Variants in STAT5B observed in about 807,000 individuals in gnomAD.
STAT5B encodes transcription factor STAT5B.
Under a neutral mutation model 107.8 loss-of-function variants are expected in STAT5B, and 21 were observed. That is an observed-to-expected ratio of 0.19 (90% CI 0.14 to 0.28). STAT5B has a LOEUF of 0.28. Ranked by LOEUF, STAT5B falls within the 10% of genes least tolerant of loss-of-function variation. STAT5B has a pLI of 1.00. For missense variants in STAT5B, 565 were observed against 1,008.2 expected (o/e 0.56, Z 5.95); for synonymous variants, 325 against 401.7 (o/e 0.81, Z 2.28).
intron 15 of STAT5B, 137 bp from the exon 16 acceptor site, chr17:42,207,865 G>T: frequency 1.2e-6 from 1 of 861,394 alleles, no homozygotes. Context: ...ATAACCATGG[G>T]TTATAGATGA....
chr17:42,202,010 C>A, intron 18 of STAT5B, 146 bp from the exon 19 acceptor site: 1 of 764,016 alleles, frequency 1.3e-6, no homozygotes, highest in South Asian at 1.7e-5. Flanking sequence ...ATTCAAACAG[C>A]TGGCTGTACA....
chr17:42,279,554 G>A (rs578138973), upstream of STAT5B, among the ~76,000 whole-genome samples: 30 of 152,282 alleles, frequency 2.0e-4, no homozygotes, highest in African/African-American at 5.5e-4. Context: ...TTAGGAGGCC[G>A]AGGCGGGTGG....
intron 1 of STAT5B, chr17:42,269,370 G>A (rs992846069): frequency 3.3e-5 from 5 of 152,102 alleles, no homozygotes; most frequent in African/African-American, 9.7e-5. Context: ...CACTGGGCCC[G>A]ACCTAGGCTC....
chr17:42,218,064 G>A (rs1453585792), intron 9 of STAT5B, 87 bp downstream of exon 9: 4 of 1,552,464 alleles, frequency 2.6e-6, no homozygotes, highest in African/African-American at 2.7e-5. Flanking sequence ...GGCAAACAGG[G>A]ATCTGACACA....
chr17:42,261,088 T>C (rs968632221), intron 1 of STAT5B, among the ~76,000 whole-genome samples: 2 of 152,068 alleles, frequency 1.3e-5, no homozygotes, highest in African/African-American at 4.8e-5. Flanking sequence ...TTTGTATTTT[T>C]AGTAGAGACA....
chr17:42,259,827 G>A (rs1249824997), intron 1 of STAT5B, among the ~76,000 whole-genome samples: 1 of 151,900 alleles, frequency 6.6e-6, no homozygotes, highest in Non-Finnish European at 1.5e-5. Flanking sequence ...ACAGAGCAGT[G>A]GCTTCAGTTC....
chr17:42,202,421 C>T lies in STAT5B; in HGVS notation c.2156G>A (p.Gly719Glu). Residue 719 changes from glycine (G) to glutamate (E), a missense_variant, in exon 18 of 19, where the codon GGG (glycine) becomes GAG (glutamate). This residue lies in a region of STAT5B where 76 missense variants were observed against 110.2 expected (regional missense o/e 0.69). Coordinates refer to ENST00000293328, the MANE Select transcript of STAT5B (RefSeq NM_012448.4). ...PEFVNASADA[G>E]GGSATYMDQA... ...GTCCATGTACGTGGCGCTGCCGCCC[C>T]CGGCATCTGCAGATGCGTTCACAAA... is the stretch of plus-strand genomic sequence containing the variant. 5 of 1,614,212 alleles carry T rather than the reference C, an allele frequency of 3.1e-6. No individual in the cohort carries two copies. Among genetic ancestry groups the T allele is most frequent in the Non-Finnish European group, 4.2e-6 (5 of 1,180,026 alleles).
chr17:42,245,139 G>A (rs1171608813), intron 1 of STAT5B, among the ~76,000 whole-genome samples: 3 of 145,932 alleles, frequency 2.1e-5, no homozygotes, highest in Non-Finnish European at 3.0e-5. Context: ...GTGCAGTGGC[G>A]CGATCTCGGC....
At chr17:42,279,803 GAA>G (rs756565375), upstream of STAT5B, among the ~76,000 whole-genome samples, 4 of 127,448 alleles carry the variant, frequency 3.1e-5, no homozygotes, top group Admixed American at 8.2e-5. Flanking sequence ...CTCCATCTCA[GAA>G]AAAAAAAAAA....
At chr17:42,287,333 C>CCCCT in the STAT5B span, among the ~76,000 whole-genome samples, 6 of 150,712 alleles carry the variant, frequency 4.0e-5, no homozygotes, top group South Asian at 2.1e-4. Flanking sequence ...AGAATGCACC[C>CCCCT]CCCCCAACAG....
At chr17:42,209,682 C>G (rs1013425536) in intron 15 of STAT5B, among the ~76,000 whole-genome samples, 9 of 152,028 alleles carry the variant, frequency 5.9e-5, no homozygotes, top group South Asian at 2.1e-4. Flanking sequence ...CACTCCAGCC[C>G]GGGCAAAAGA....
chr17:42,218,979 T>G, intron 7 of STAT5B, 101 bp from the exon 8 acceptor site: 1 of 1,303,138 alleles, frequency 7.7e-7, no homozygotes, highest in African/African-American at 1.5e-5. Flanking sequence ...GCTCTGTGCT[T>G]TCGCCACACT....
intron 3 of STAT5B, among the ~76,000 whole-genome samples, chr17:42,226,276 G>A (rs1192884412): frequency 6.6e-6 from 1 of 152,058 alleles, no homozygotes; most frequent in Non-Finnish European, 1.5e-5. Context: ...GAAAGACAAA[G>A]TAAGGTTGCA....
intron 1 of STAT5B, among the ~76,000 whole-genome samples, chr17:42,262,752 A>ATATATG (rs139815589): frequency 0.26 from 35,611 of 138,182 alleles, 5,015 homozygotes; most frequent in South Asian, 0.41. Flanking sequence ...GTGTATATAT[A>ATATATG]TGTGTGTATA....
intron 1 of STAT5B, chr17:42,271,871 A>T (rs750959624): frequency 2.0e-5 from 3 of 152,214 alleles, no homozygotes; most frequent in Admixed American, 6.5e-5. Context: ...TCCAAGTATT[A>T]ACTTCATTTG....
chr17:42,218,069 G>A, intron 9 of STAT5B, 82 bp downstream of exon 9: 5 of 1,555,926 alleles, frequency 3.2e-6, no homozygotes, highest in Non-Finnish European at 4.4e-6. Flanking sequence ...ACAGGGATCT[G>A]ACACAGGAGG....
chr17:42,242,692 G>C (rs1730276137), intron 1 of STAT5B, among the ~76,000 whole-genome samples: 1 of 150,990 alleles, frequency 6.6e-6, no homozygotes, highest in Non-Finnish European at 1.5e-5. Flanking sequence ...ACACGACTGG[G>C]TGTGGTGGCT....
intron 1 of STAT5B, chr17:42,272,082 T>C (rs1455378905): frequency 6.6e-6 from 1 of 151,832 alleles, no homozygotes; most frequent in Non-Finnish European, 1.5e-5. Context: ...CTTGCTTTAA[T>C]CACTGAAACA....
chr17:42,262,931 T>C (rs1347433822), intron 1 of STAT5B, among the ~76,000 whole-genome samples: 2 of 88,702 alleles, frequency 2.3e-5, no homozygotes, highest in African/African-American at 4.0e-5. Flanking sequence ...TGTATATATA[T>C]ATGTATATAT....
Sources: gnomAD v4.1 joint callset for allele counts (sites outside exome capture counted in the v4.1 genomes callset) on GRCh38, gnomAD v4.1.1 for gene constraint, gnomAD v4.1.1 regional missense constraint, MANE v1.5 for transcripts, NCBI Gene and HGNC (gene_info 2026-07-23, HGNC 2026-07-21) for gene names.